The following PDGFD variants were observed in gnomAD, a reference collection of about 807,000 sequenced individuals.
The protein encoded by PDGFD is platelet-derived growth factor D.
Under a neutral mutation model 44.7 loss-of-function variants are expected in PDGFD, and 30 were observed. That is an observed-to-expected ratio of 0.67 (90% CI 0.50 to 0.91). PDGFD has a LOEUF of 0.91. Ranked by LOEUF, PDGFD falls within the 40% of genes least tolerant of loss-of-function variation. The probability of loss-of-function intolerance (pLI) is 0.00; values close to 1 mark genes in which losing one functional copy is unlikely to be tolerated. For missense variants in PDGFD, 445 were observed against 457.8 expected, an observed-to-expected ratio of 0.97 and a Z score of 0.25; for synonymous variants, 173 against 168.4, an observed-to-expected ratio of 1.03 and a Z score of -0.21.
chr11:104,080,264 C>A (rs1861025096), intron 1 of PDGFD, among the ~76,000 whole-genome samples: 1 of 152,040 alleles, frequency 6.6e-6, no homozygotes, highest in South Asian at 2.1e-4. Context: ...TCATTAATCC[C>A]AACAGGTGAA....
At chr11:103,947,347 T>C (rs1383897219) in intron 4 of PDGFD, among the ~76,000 whole-genome samples, 7 of 152,326 alleles carry the variant, frequency 4.6e-5, no homozygotes, top group East Asian at 3.9e-4. Context: ...CATGAACTAG[T>C]TTGATATGTT....
intron 1 of PDGFD, among the ~76,000 whole-genome samples, chr11:104,023,424 A>G (rs1310402027): frequency 6.6e-6 from 1 of 152,094 alleles, no homozygotes; most frequent in Non-Finnish European, 1.5e-5. Context: ...ACAGGTTTAT[A>G]TAATCATTCC....
At chr11:103,917,524 T>C (rs1358169802) in intron 6 of PDGFD, among the ~76,000 whole-genome samples, 1 of 152,240 alleles carries the variant, frequency 6.6e-6, no homozygotes, top group Non-Finnish European at 1.5e-5. Flanking sequence ...TTTTAGATTC[T>C]AAACTTGGTC....
At chr11:104,067,459 T>C (rs1314478521) in intron 1 of PDGFD, among the ~76,000 whole-genome samples, 1 of 152,168 alleles carries the variant, frequency 6.6e-6, no homozygotes, top group Non-Finnish European at 1.5e-5. Flanking sequence ...TTACTTCAAA[T>C]TTGAAAATCT....
At chr11:103,913,936 T>C (rs553581114) in intron 6 of PDGFD, among the ~76,000 whole-genome samples, 1 of 152,082 alleles carries the variant, frequency 6.6e-6, no homozygotes, top group Admixed American at 6.6e-5. Context: ...ATGTAGCCTG[T>C]ATGGACCTTG....
intron 1 of PDGFD, among the ~76,000 whole-genome samples, chr11:104,021,080 T>C (rs1376578625): frequency 6.6e-6 from 1 of 152,106 alleles, no homozygotes; most frequent in Non-Finnish European, 1.5e-5. Context: ...TAATCTACAT[T>C]TGGTATAAGT....
chr11:104,126,039 G>C (rs948185330), intron 1 of PDGFD, among the ~76,000 whole-genome samples: 18 of 149,332 alleles, frequency 1.2e-4, no homozygotes, highest in African/African-American at 4.0e-4. Context: ...ACAGTAGCGG[G>C]GAAGGAGAGG....
Position 104,164,109 on chromosome 11 carries a change from G to A in PDGFD, c.-182C>T, listed in dbSNP as rs1193973259. On this transcript the variant is annotated 5_prime_UTR_variant, in exon 1 of 7. Transcript: ENST00000393158. ...ATGCTGAACTTTCCGAGCGCGTGTG[G>A]GTGCCGCACTTCCTTGTGGTGCTGA... The A allele has an allele frequency of 1.3e-5, 7 of 520,180 alleles. No homozygotes were observed. Among genetic ancestry groups the A allele is most frequent in the Non-Finnish European group, 2.3e-5 (7 of 305,840 alleles). The allele number at this position is 520,180 out of a possible 1,614,324, so 32.2% of individuals were successfully genotyped here. A position where few individuals can be genotyped will look rare whatever the true frequency, so the allele number is the denominator to read the frequency against.
intron 1 of PDGFD, among the ~76,000 whole-genome samples, chr11:104,135,281 G>A (rs1276036680): frequency 6.6e-6 from 1 of 152,158 alleles, no homozygotes; most frequent in Non-Finnish European, 1.5e-5. Flanking sequence ...AAAAGGCCTG[G>A]GGCAGCCAAA....
intron 1 of PDGFD, among the ~76,000 whole-genome samples, chr11:104,112,520 G>C (rs1032610844): frequency 6.6e-6 from 1 of 151,912 alleles, no homozygotes; most frequent in African/African-American, 2.4e-5. Flanking sequence ...CCCATTACTA[G>C]GTATATACCC....
intron 1 of PDGFD, among the ~76,000 whole-genome samples, chr11:104,029,296 GT>G (rs1489852681): frequency 5.9e-5 from 9 of 152,202 alleles, no homozygotes; most frequent in Admixed American, 5.9e-4. Flanking sequence ...AAATAGGTGA[GT>G]TGATTTATCT....
At chr11:104,045,671 G>GT (rs1424736218) in intron 1 of PDGFD, among the ~76,000 whole-genome samples, 1 of 148,252 alleles carries the variant, frequency 6.7e-6, no homozygotes, top group Non-Finnish European at 1.5e-5. Flanking sequence ...TAGGTTTTGA[G>GT]TTTTTTAAGA....
intron 1 of PDGFD, among the ~76,000 whole-genome samples, chr11:104,019,955 A>G (rs1859924611): frequency 6.6e-6 from 1 of 152,174 alleles, no homozygotes; most frequent in African/African-American, 2.4e-5. Flanking sequence ...TGGGGCTGCG[A>G]TAAGCACCAA....
chr11:104,002,394 C>T (rs536531800), intron 1 of PDGFD, among the ~76,000 whole-genome samples: 1 of 152,098 alleles, frequency 6.6e-6, no homozygotes, highest in Non-Finnish European at 1.5e-5. Context: ...CTCATGAAAT[C>T]TGATGGCTTA....
intron 1 of PDGFD, among the ~76,000 whole-genome samples, chr11:104,114,754 A>G (rs958885183): frequency 1.2e-4 from 18 of 152,094 alleles, no homozygotes; most frequent in African/African-American, 3.9e-4. Context: ...CCATTTATTA[A>G]GTTCTTTGAT....
intron 3 of PDGFD, among the ~76,000 whole-genome samples, chr11:103,964,483 C>T (rs1858984786): frequency 6.6e-6 from 1 of 152,172 alleles, no homozygotes; most frequent in Non-Finnish European, 1.5e-5. Context: ...GATCCCATGT[C>T]TCCTGCCTTA....
chr11:104,130,000 G>A (rs200606282), intron 1 of PDGFD, among the ~76,000 whole-genome samples: 50 of 128,594 alleles, frequency 3.9e-4, no homozygotes, highest in South Asian at 7.8e-4. Flanking sequence ...CAAGACCTCT[G>A]AAAAAAAAAA....
Position 104,119,417 on chromosome 11 carries a change from G to A in PDGFD, c.124+44387C>T, listed in dbSNP as rs1231624136. Among the ~76,000 whole-genome samples, 3 of 58,530 alleles carry A rather than the reference G, an allele frequency of 5.1e-5. 1 individual carries two copies. Among genetic ancestry groups the A allele is most frequent in the African/African-American group, 2.2e-4 (3 of 13,838 alleles). 38.4% of individuals were successfully genotyped at this position (58,530 alleles called of 152,430 possible). On this transcript the variant is annotated intron_variant, in intron 1 of 6. Coordinates refer to ENST00000393158, the MANE Select transcript of PDGFD (RefSeq NM_025208.5). ...GATATAATATATAATATAATATATT[G>A]ATATAATATATAATATATTGATATA...
rs112634361 is a variant in PDGFD, at chr11:104,093,503, A to G, written c.124+70301T>C. Among the ~76,000 whole-genome samples, 8 of 152,180 alleles carry G rather than the reference A, an allele frequency of 5.3e-5. 1 individual carries two copies. The highest frequency in any genetic ancestry group is 1.9e-4 in the African/African-American group (8 of 41,520). On this transcript the variant is annotated intron_variant, in intron 1 of 6. Coordinates refer to ENST00000393158, the MANE Select transcript of PDGFD (RefSeq NM_025208.5). Reference sequence around the variant, plus strand: ...TTCTGCTCCTCCTCGCTTGCCTTCAAACAGAACTTCTCTTCCTTTATTGGT... The same window carrying G: ...TTCTGCTCCTCCTCGCTTGCCTTCAGACAGAACTTCTCTTCCTTTATTGGT...
Sources: allele counts gnomAD v4.1 joint callset (sites outside exome capture counted in the v4.1 genomes callset), GRCh38; gene constraint gnomAD v4.1.1; transcripts MANE v1.5; gene names NCBI Gene and HGNC (gene_info 2026-07-23, HGNC 2026-07-21).